The following USH2A variants were observed in gnomAD, a reference collection of about 807,000 sequenced individuals.
USH2A encodes Usher syndrome 2A (autosomal recessive, mild).
A neutral mutation model predicts 538.9 loss-of-function variants in USH2A; 443 were observed. The ratio of observed to expected loss-of-function variants is 0.82; its 90% CI spans 0.76 to 0.89. The LOEUF is 0.89. USH2A is among the 40% of genes least tolerant of loss of function. The pLI, the probability that USH2A is intolerant of heterozygous loss-of-function variation, is 0.00. For missense variants in USH2A, 6,633 were observed against 6,324.8 expected (o/e 1.05, Z -1.65); for synonymous variants, 2,413 against 2,273.5 (o/e 1.06, Z -1.75).
At chr1:216,105,670 G>C (rs1263201138) in intron 21 of USH2A, among the ~76,000 whole-genome samples, 1 of 151,780 alleles carries the variant, frequency 6.6e-6, no homozygotes, top group Non-Finnish European at 1.5e-5. Flanking sequence ...ATTTTGATTG[G>C]AATTACATTA....
intron 2 of USH2A, among the ~76,000 whole-genome samples, chr1:216,419,776 A>G (rs1308551306): frequency 6.6e-6 from 1 of 152,156 alleles, no homozygotes; most frequent in Non-Finnish European, 1.5e-5. Flanking sequence ...CCAATCAAGA[A>G]TTACTGCTAA....
At chr1:216,413,167 T>G (rs867772846) in intron 3 of USH2A, among the ~76,000 whole-genome samples, 1 of 151,914 alleles carries the variant, frequency 6.6e-6, no homozygotes, top group Non-Finnish European at 1.5e-5. Context: ...AAAGAAACAT[T>G]TAGCACACAT....
intron 64 of USH2A, among the ~76,000 whole-genome samples, chr1:215,659,446 T>C (rs1657374499): frequency 6.6e-6 from 1 of 152,178 alleles, no homozygotes; most frequent in Non-Finnish European, 1.5e-5. Flanking sequence ...GGAGTTTGCA[T>C]CTTATGGAAT....
At chr1:216,126,139 A>G (rs967066754) in intron 21 of USH2A, among the ~76,000 whole-genome samples, 1 of 152,158 alleles carries the variant, frequency 6.6e-6, no homozygotes, top group African/African-American at 2.4e-5. Flanking sequence ...CTCACATGGA[A>G]GAGAGTGCCT....
At chr1:216,289,449 C>A (rs41277224) in intron 10 of USH2A, 39 bp from the exon 11 acceptor site, 28 of 1,612,886 alleles carry the variant, frequency 1.7e-5, no homozygotes, top group Non-Finnish European at 1.6e-5. Context: ...ACTTCTAATT[C>A]ATTAAAATCA....
chr1:215,816,781 T>C (rs1329643267), intron 48 of USH2A, among the ~76,000 whole-genome samples: 1 of 152,098 alleles, frequency 6.6e-6, no homozygotes, highest in African/African-American at 2.4e-5. Flanking sequence ...TTCTAATAAG[T>C]TTATATTTCT....
intron 38 of USH2A, among the ~76,000 whole-genome samples, chr1:215,911,484 A>G (rs1442757028): frequency 6.6e-6 from 1 of 152,010 alleles, no homozygotes; most frequent in African/African-American, 2.4e-5. Context: ...GGCTTATTTC[A>G]TCTAATGTAA....
intron 37 of USH2A, among the ~76,000 whole-genome samples, chr1:215,960,463 T>A (rs1438890895): frequency 6.6e-6 from 1 of 152,086 alleles, no homozygotes; most frequent in Non-Finnish European, 1.5e-5. Flanking sequence ...ACTGAAGATG[T>A]TGTAAAGTGA....
At chr1:215,986,212 C>T (rs1667869530) in intron 35 of USH2A, among the ~76,000 whole-genome samples, 1 of 152,014 alleles carries the variant, frequency 6.6e-6, no homozygotes, top group South Asian at 2.1e-4. Context: ...CCCTGCCTCC[C>T]ACGTTCAAGC....
chr1:216,229,035 A>G (rs2035621267), intron 14 of USH2A, among the ~76,000 whole-genome samples: 1 of 152,020 alleles, frequency 6.6e-6, no homozygotes, highest in Admixed American at 6.6e-5. Context: ...TTAGCCAGGC[A>G]TGGTGGCATG....
At chr1:216,194,012 C>G (rs2102455391) in intron 19 of USH2A, 1 of 152,262 alleles carries the variant, frequency 6.6e-6, no homozygotes, top group African/African-American at 2.4e-5. Context: ...TTCTTTGCTG[C>G]TCAATCCTAC....
At position 216,158,978 on chromosome 1, in the gene USH2A, G is replaced by A. The variant is rs552994270; in HGVS notation, c.4627+16274C>T. Among the ~76,000 whole-genome samples, 15 of 152,126 alleles carry A rather than the reference G, an allele frequency of 9.9e-5. No individual in the cohort carries two copies. In the East Asian group the frequency reaches 2.9e-3, roughly 29 times the overall value. On this transcript the variant is annotated intron_variant, in intron 21 of 71. Coordinates refer to ENST00000307340, the MANE Select transcript of USH2A (RefSeq NM_206933.4). Reference sequence around the variant, plus strand: ...TATGTGTGTTAGTTCTAGTAAGCATGGTACTTTTAAACATTTCATTTTCTA... The same window carrying A: ...TATGTGTGTTAGTTCTAGTAAGCATAGTACTTTTAAACATTTCATTTTCTA...
intron 64 of USH2A, among the ~76,000 whole-genome samples, chr1:215,664,993 A>G (rs1424658350): frequency 6.6e-6 from 1 of 152,222 alleles, no homozygotes; most frequent in Non-Finnish European, 1.5e-5. Context: ...ATGTGCTCAA[A>G]TATCCAGAAG....
Position 215,648,589 on chromosome 1 carries a change from C to T in USH2A, c.14521G>A (p.Ala4841Thr). Residue 4841 changes from alanine to threonine, a missense_variant, in exon 66 of 72, where the codon GCC becomes ACC. By Grantham distance (58) the Ala-to-Thr change is moderately conservative. Transcript: ENST00000307340. ...CACCGGAAGGAGGCCGTCCTTGAGG[C>T]CAGCGTCCCGATTTGTGGAGAGGAC... ...GLSSPQIGTL[A>T]SRTASFRWSP... 2 of 1,614,174 alleles carry T rather than the reference C, an allele frequency of 1.2e-6. No individual in the cohort carries two copies. Among genetic ancestry groups the T allele is most frequent in the African/African-American group, 2.7e-5 (2 of 75,050 alleles).
At chr1:216,422,561 G>T (rs2039697779) in intron 1 of USH2A, 21 bp from the exon 2 acceptor site, 1 of 563,108 alleles carries the variant, frequency 1.8e-6, no homozygotes, top group Non-Finnish European at 3.1e-6. Context: ...AAAACGTAGG[G>T]CGTCAAGGGA....
intron 56 of USH2A, among the ~76,000 whole-genome samples, chr1:215,760,893 A>T (rs1660962517): frequency 6.6e-6 from 1 of 152,158 alleles, no homozygotes; most frequent in South Asian, 2.1e-4. Context: ...ATTCCATTGG[A>T]ATCTTTGTAA....
intron 15 of USH2A, among the ~76,000 whole-genome samples, chr1:216,210,476 A>G (rs1354658800): frequency 6.6e-6 from 1 of 152,084 alleles, no homozygotes; most frequent in Non-Finnish European, 1.5e-5. Flanking sequence ...CTACCCAATA[A>G]ATATGAAGGG....
At chr1:216,111,947 A>G (rs900320397) in intron 21 of USH2A, among the ~76,000 whole-genome samples, 1 of 151,952 alleles carries the variant, frequency 6.6e-6, no homozygotes, top group South Asian at 2.1e-4. Flanking sequence ...GTTCATTTTC[A>G]TATGGAAGTA....
chr1:215,884,496 T>A (rs908875791), intron 41 of USH2A, among the ~76,000 whole-genome samples: 5 of 152,214 alleles, frequency 3.3e-5, no homozygotes, highest in African/African-American at 1.2e-4. Context: ...TGCAGATTAC[T>A]TAATCCCTCA....
Sources: gnomAD v4.1 joint callset for allele counts (sites outside exome capture counted in the v4.1 genomes callset) on GRCh38, gnomAD v4.1.1 for gene constraint, MANE v1.5 for transcripts, NCBI Gene and HGNC (gene_info 2026-07-23, HGNC 2026-07-21) for gene names.